Variants in AMPH observed in about 807,000 individuals in gnomAD.
AMPH encodes amphiphysin (Stiff-Mann syndrome with breast cancer 128kD autoantigen).
Under a neutral mutation model 99.1 loss-of-function variants are expected in AMPH, and 49 were observed. That is an observed-to-expected ratio of 0.49 (90% CI 0.39 to 0.63). The LOEUF is 0.63. AMPH is among the 20% of genes least tolerant of loss of function. The pLI, the probability that AMPH is intolerant of heterozygous loss-of-function variation, is 0.00. For missense variants in AMPH, 759 were observed against 863.4 expected (o/e 0.88, Z 1.52); for synonymous variants, 314 against 317.3 (o/e 0.99, Z 0.11).
At chr7:38,407,319 G>A (rs1251062682) in intron 17 of AMPH, among the ~76,000 whole-genome samples, 1 of 118,404 alleles carries the variant, frequency 8.4e-6, no homozygotes, top group African/African-American at 3.1e-5. Context: ...AGAGAGAGAG[G>A]AATCTATTAG....
intron 1 of AMPH, among the ~76,000 whole-genome samples, chr7:38,563,978 C>T (rs549350024): frequency 2.9e-4 from 44 of 152,258 alleles, no homozygotes; most frequent in African/African-American, 1.0e-3. Context: ...CATGAATAGA[C>T]CCCAACTGGT....
intron 2 of AMPH, among the ~76,000 whole-genome samples, chr7:38,512,373 G>A (rs1256064324): frequency 3.3e-5 from 5 of 152,212 alleles, no homozygotes; most frequent in Non-Finnish European, 7.3e-5. Flanking sequence ...GGGCTTGGAT[G>A]AGAGATATGC....
intron 5 of AMPH, among the ~76,000 whole-genome samples, chr7:38,480,577 A>AT (rs1367848507): frequency 1.3e-5 from 2 of 152,060 alleles, no homozygotes; most frequent in African/African-American, 4.8e-5. Flanking sequence ...CTCTTTGGCT[A>AT]TTTCTAATTG....
intron 16 of AMPH, among the ~76,000 whole-genome samples, chr7:38,421,540 C>T (rs1377357558): frequency 6.6e-6 from 1 of 152,226 alleles, no homozygotes; most frequent in African/African-American, 2.4e-5. Flanking sequence ...AGAGACACAC[C>T]TGTCTTTGCA....
At chr7:38,500,076 C>G (rs984386982) in intron 3 of AMPH, among the ~76,000 whole-genome samples, 1 of 152,200 alleles carries the variant, frequency 6.6e-6, no homozygotes, top group Admixed American at 6.5e-5. Context: ...CGGACTAACA[C>G]AGGCATATAC....
At chr7:38,606,570 T>C (rs1255389140) in intron 1 of AMPH, among the ~76,000 whole-genome samples, 2 of 115,536 alleles carry the variant, frequency 1.7e-5, no homozygotes, top group Admixed American at 9.1e-5. Context: ...CATTCTCTTT[T>C]TTTTTTTTTT....
intron 5 of AMPH, among the ~76,000 whole-genome samples, chr7:38,486,202 T>C (rs1788486514): frequency 6.7e-6 from 1 of 150,154 alleles, no homozygotes; most frequent in Non-Finnish European, 1.5e-5. Flanking sequence ...AACTTTTATC[T>C]AAACTAAATA....
rs1177626084 is a variant in AMPH at position 38,461,180 on chromosome 7, A to G, written c.1017+103T>C. The G allele has an allele frequency of 3.0e-6, 4 of 1,326,482 alleles. No homozygotes were observed. In the East Asian group the frequency reaches 9.3e-5, roughly 31 times the overall value. 82.2% of individuals were successfully genotyped at this position (1,326,482 alleles called of 1,614,324 possible). A position where few individuals can be genotyped will look rare whatever the true frequency, so the allele number is the denominator to read the frequency against. On this transcript the variant is annotated intron_variant, in intron 11 of 20. Transcript: ENST00000356264. ...ACAAGCCTGAATGACAATTAAAATT[A>G]TGTTGTTGGTTCTGGAACCGCCACT... is the stretch of plus-strand genomic sequence containing the variant.
At position 38,466,227 on chromosome 7, in the gene AMPH, A is replaced by C. The variant is rs770227233; in HGVS notation, c.612T>G (p.Asn204Lys). ...LWSRRVGFYV[N>K]TFKNVSSLEA... ...CAAGGCTGGAGACGTTTTTGAAAGT[A>C]TTAACATAAAATCCAACTCGTCTGC... Residue 204 changes from asparagine to lysine, a missense_variant, in exon 8 of 21, where the codon AAT becomes AAG. By Grantham distance (94) the Asn-to-Lys change is moderately conservative. This residue lies in a region of AMPH where 205 missense variants were observed against 287.9 expected (regional missense o/e 0.71). Transcript: ENST00000356264. 6.3e-7 allele frequency: 1 copy of C among 1,596,194 alleles called. No individual in the cohort carries two copies. Among genetic ancestry groups the C allele is most frequent in the Non-Finnish European group, 8.5e-7 (1 of 1,175,152 alleles).
chr7:38,616,998 T>A (rs1793895982), intron 1 of AMPH, among the ~76,000 whole-genome samples: 1 of 152,208 alleles, frequency 6.6e-6, no homozygotes, highest in Non-Finnish European at 1.5e-5. Flanking sequence ...ATAATGTAGA[T>A]GTAGATATAG....
At chr7:38,510,313 T>A (rs1406305927) in intron 2 of AMPH, among the ~76,000 whole-genome samples, 1 of 152,270 alleles carries the variant, frequency 6.6e-6, no homozygotes, top group South Asian at 2.1e-4. Context: ...GGCTCACATA[T>A]ATGACCTCAC....
rs928411844 is a variant in AMPH at position 38,476,785 on chromosome 7, C to A, written c.504+77G>T. 2.9e-5 allele frequency: 28 copies of A among 967,470 alleles called. No homozygotes were observed. The African/African-American group carries it at 4.4e-4, about 15-fold the overall frequency. 59.9% of individuals were successfully genotyped at this position (967,470 alleles called of 1,614,324 possible). ...TTCCAATCTCCTTTTATAGAGGAGG[C>A]ATTTAATTTTAAAAAGTAAAGCTGC... On this transcript the variant is annotated intron_variant, in intron 6 of 20. Transcript: ENST00000356264.
chr7:38,505,134 A>G (rs1789275116), intron 2 of AMPH, among the ~76,000 whole-genome samples: 1 of 152,244 alleles, frequency 6.6e-6, no homozygotes, highest in Admixed American at 6.5e-5. Flanking sequence ...AGCCATTCAA[A>G]GTGTTGAAGT....
At chr7:38,516,254 A>G (rs1789736175) in intron 2 of AMPH, among the ~76,000 whole-genome samples, 1 of 152,170 alleles carries the variant, frequency 6.6e-6, no homozygotes, top group Non-Finnish European at 1.5e-5. Context: ...GCCTTCCATC[A>G]CAGGCCCTGA....
chr7:38,587,914 CTGTGTG>C (rs200023803), intron 1 of AMPH, among the ~76,000 whole-genome samples: 18,528 of 126,024 alleles, frequency 0.15, 1,377 homozygotes, highest in Non-Finnish European at 0.21. Context: ...TTATTAATTA[CTGTGTG>C]TGTGTGTGTG....
rs1187696653 is a variant in AMPH at position 38,410,182 on chromosome 7, T to C, written c.1398+7643A>G. Among the ~76,000 whole-genome samples the C allele has an allele frequency of 2.0e-5, 3 of 152,202 alleles. No homozygotes were observed. The South Asian group carries it at 6.2e-4, about 32-fold the overall frequency. On this transcript the variant is annotated intron_variant, in intron 17 of 20. Transcript: ENST00000356264. The stretch of plus-strand genomic sequence containing the variant: ...TGCTGTTACACCTCAAACTGCCTTC[T>C]CCTAAGCAGGCCCAGGCTCAGGTTG...
intron 5 of AMPH, among the ~76,000 whole-genome samples, chr7:38,482,803 C>A (rs1788338422): frequency 6.6e-6 from 1 of 152,094 alleles, no homozygotes. Flanking sequence ...TTAACCTCTT[C>A]TGATTTCTTA....
intron 1 of AMPH, among the ~76,000 whole-genome samples, chr7:38,581,811 G>C (rs1181478459): frequency 6.6e-6 from 1 of 152,180 alleles, no homozygotes; most frequent in Non-Finnish European, 1.5e-5. Context: ...ATGAAAGAAG[G>C]CCTCGAGAAT....
At chr7:38,603,830 G>A (rs1401134497) in intron 1 of AMPH, among the ~76,000 whole-genome samples, 1 of 152,192 alleles carries the variant, frequency 6.6e-6, no homozygotes, top group Non-Finnish European at 1.5e-5. Flanking sequence ...AGTGGACAAT[G>A]CTACCAATCC....
Sources: allele counts gnomAD v4.1 joint callset (sites outside exome capture counted in the v4.1 genomes callset), GRCh38; gene constraint gnomAD v4.1.1; regional missense constraint gnomAD v4.1.1; transcripts MANE v1.5; gene names NCBI Gene and HGNC (gene_info 2026-07-23, HGNC 2026-07-21).